The following UBXN2A variants were observed in gnomAD, a reference collection of about 807,000 sequenced individuals.
The protein encoded by UBXN2A is UBX domain-containing protein 2A.
UBXN2A carries 28 observed loss-of-function variants against 28.4 expected under a neutral mutation model. The ratio of observed to expected loss-of-function variants is 0.99; its 90% CI spans 0.73 to 1.35. The LOEUF (loss-of-function observed/expected upper bound fraction) is 1.35. Ranked by LOEUF, UBXN2A falls within the 40% of genes most tolerant of loss-of-function variation. UBXN2A has a pLI of 0.00. For missense variants in UBXN2A, 253 were observed against 297.9 expected (o/e 0.85, Z 1.11); for synonymous variants, 97 against 103.6 (o/e 0.94, Z 0.39).
intron 1 of UBXN2A, among the ~76,000 whole-genome samples, chr2:23,957,386 T>G (rs1324527814): frequency 6.6e-6 from 1 of 152,158 alleles, no homozygotes; most frequent in Non-Finnish European, 1.5e-5. Context: ...CACTGCAACC[T>G]CTGCCTCCCA....
At chr2:23,949,356 G>A (rs1380370686) in intron 1 of UBXN2A, among the ~76,000 whole-genome samples, 1 of 151,532 alleles carries the variant, frequency 6.6e-6, no homozygotes, top group African/African-American at 2.4e-5. Context: ...CGGATCATGA[G>A]GTCAGGAGAT....
At chr2:23,929,768 A>G (rs926397920) in intron 1 of UBXN2A, among the ~76,000 whole-genome samples, 5 of 152,152 alleles carry the variant, frequency 3.3e-5, no homozygotes, top group African/African-American at 1.2e-4. Context: ...GTGGTATGCA[A>G]ATTATATACA....
At chr2:23,935,651 G>A (rs1240294722), upstream of UBXN2A, among the ~76,000 whole-genome samples, 5 of 152,256 alleles carry the variant, frequency 3.3e-5, no homozygotes, top group African/African-American at 7.2e-5. Context: ...CTAGTACATC[G>A]CTGGTAGGAA....
chr2:23,980,098 A>G (rs1355635648), intron 4 of UBXN2A, among the ~76,000 whole-genome samples: 2 of 152,168 alleles, frequency 1.3e-5, no homozygotes, highest in Non-Finnish European at 2.9e-5. Context: ...TGAAAGAAAA[A>G]AAAATCAGAT....
intron 1 of UBXN2A, among the ~76,000 whole-genome samples, chr2:23,941,065 CTT>C (rs1198208704): frequency 6.6e-6 from 1 of 152,208 alleles, no homozygotes; most frequent in African/African-American, 2.4e-5. Context: ...CCACCACTCA[CTT>C]TCTCTGATGT....
intron 1 of UBXN2A, among the ~76,000 whole-genome samples, chr2:23,932,890 A>T (rs6751955): frequency 6.6e-5 from 10 of 151,976 alleles, no homozygotes; most frequent in Admixed American, 2.6e-4. Context: ...GGATCACAAG[A>T]TCAGGAAATA....
At position 23,971,458 on chromosome 2, in the gene UBXN2A, C is replaced by T. The variant is rs755198134; in HGVS notation, c.180+44C>T. The T allele has an allele frequency of 8.0e-5, 118 of 1,481,182 alleles. 1 individual carries two copies. Among genetic ancestry groups the T allele is most frequent in the Admixed American group, 2.6e-4 (13 of 49,892 alleles). 91.8% of individuals were successfully genotyped at this position (1,481,182 alleles called of 1,614,324 possible). ...CTTTTCTTTTTCTTTCAGTGTTTCT[C>T]AATATATGGACCTGTTAGAGGGTCC... On this transcript the variant is annotated intron_variant, in intron 3 of 6. Transcript: ENST00000309033.
At chr2:23,960,655 C>T (rs181038944) in intron 2 of UBXN2A, among the ~76,000 whole-genome samples, 21 of 152,164 alleles carry the variant, frequency 1.4e-4, no homozygotes, top group East Asian at 9.7e-4. Context: ...TTTTTTGAGA[C>T]GGAATCTCAC....
intron 2 of UBXN2A, among the ~76,000 whole-genome samples, chr2:23,960,779 C>T (rs971903763): frequency 2.4e-4 from 36 of 151,798 alleles, no homozygotes; most frequent in African/African-American, 2.4e-4. Context: ...ATTACAGGCA[C>T]GCACCACCAT....
At chr2:23,945,089 G>A (rs943427498) in intron 1 of UBXN2A, among the ~76,000 whole-genome samples, 1 of 151,996 alleles carries the variant, frequency 6.6e-6, no homozygotes, top group Non-Finnish European at 1.5e-5. Context: ...AAAAAAAAGG[G>A]GGGAGGGCCC....
At chr2:23,960,173 G>C (rs1002436197) in intron 2 of UBXN2A, among the ~76,000 whole-genome samples, 1 of 151,936 alleles carries the variant, frequency 6.6e-6, no homozygotes, top group Non-Finnish European at 1.5e-5. Flanking sequence ...GGAGAATGGC[G>C]TGAACCCAGG....
chr2:23,998,581 G>A (rs1021660639), intron 6 of UBXN2A, among the ~76,000 whole-genome samples: 2 of 152,128 alleles, frequency 1.3e-5, no homozygotes, highest in Non-Finnish European at 2.9e-5. Context: ...CTAGCCGGAT[G>A]TGGTGGCAGG....
intron 2 of UBXN2A, among the ~76,000 whole-genome samples, chr2:23,962,322 G>A (rs987646916): frequency 6.6e-6 from 1 of 152,156 alleles, no homozygotes; most frequent in African/African-American, 2.4e-5. Context: ...GCAAACAAAA[G>A]AGGCTGTTCT....
intron 1 of UBXN2A, chr2:23,944,127 A>C: frequency 1.2e-6 from 1 of 836,102 alleles, no homozygotes; most frequent in Admixed American, 1.8e-5. Flanking sequence ...TACTCCCAGG[A>C]AAGTTTAAGT....
chr2:23,981,491 AAAAAAAAAAAAAAAAAT>A (rs1208729148), intron 4 of UBXN2A, among the ~76,000 whole-genome samples: 2 of 147,280 alleles, frequency 1.4e-5, no homozygotes, highest in Non-Finnish European at 3.0e-5. Context: ...AAAAAAAAAA[AAAAAAAAAAAAAAAAAT>A]AGAAAAGTGC....
intron 4 of UBXN2A, among the ~76,000 whole-genome samples, chr2:23,981,003 C>T (rs915719125): frequency 1.3e-5 from 2 of 152,016 alleles, no homozygotes; most frequent in Non-Finnish European, 2.9e-5. Flanking sequence ...ATACAAATTC[C>T]TTATCAGATA....
intron 3 of UBXN2A, among the ~76,000 whole-genome samples, chr2:23,974,494 C>T (rs1289322089): frequency 1.3e-5 from 2 of 151,514 alleles, no homozygotes; most frequent in South Asian, 2.1e-4. Flanking sequence ...TACAGGCACC[C>T]GCCACCACGC....
chr2:23,984,952 A>G, intron 6 of UBXN2A, 121 bp downstream of exon 6: 1 of 1,059,550 alleles, frequency 9.4e-7, no homozygotes, highest in Middle Eastern at 3.3e-4. Flanking sequence ...CCCAGGCCAG[A>G]GTGCAGTGGC....
At chr2:23,972,801 G>A (rs1020036747) in intron 3 of UBXN2A, among the ~76,000 whole-genome samples, 6 of 152,168 alleles carry the variant, frequency 3.9e-5, no homozygotes, top group Admixed American at 6.6e-5. Flanking sequence ...CAGCCTGGGC[G>A]ACAGAGCTAG....
Sources: allele counts gnomAD v4.1 joint callset (sites outside exome capture counted in the v4.1 genomes callset), GRCh38; gene constraint gnomAD v4.1.1; transcripts MANE v1.5; gene names NCBI Gene and HGNC (gene_info 2026-07-23, HGNC 2026-07-21).